LINGO2: variants seen among roughly 807,000 people sequenced by gnomAD.
LINGO2 encodes leucine-rich repeat and immunoglobulin-like domain-containing nogo receptor-interacting protein 2.
Under a neutral mutation model 30.6 loss-of-function variants are expected in LINGO2, and 14 were observed. The ratio of observed to expected loss-of-function variants is 0.46; its 90% CI spans 0.30 to 0.72. The LOEUF is 0.72. Among genes scored for constraint, LINGO2 ranks in the 30% least tolerant of loss-of-function variants. LINGO2 has a pLI of 0.07. For synonymous variants in LINGO2, 317 were observed against 288.5 expected (o/e 1.10, Z -1.00); for missense variants, 729 against 751.7 (o/e 0.97, Z 0.35).
chr9:28,818,074 A>T, the LINGO2 span, among the ~76,000 whole-genome samples: 1 of 152,162 alleles, frequency 6.6e-6, no homozygotes, highest in Non-Finnish European at 1.5e-5. Flanking sequence ...TTAGGAGTTA[A>T]TCCTAATGTT....
chr9:28,214,703 G>T (rs1820705579), intron 4 of LINGO2, among the ~76,000 whole-genome samples: 1 of 151,572 alleles, frequency 6.6e-6, no homozygotes, highest in Non-Finnish European at 1.5e-5. Flanking sequence ...GAAGGAAACA[G>T]AAAAGCTGTA....
chr9:29,038,842 G>T, the LINGO2 span, among the ~76,000 whole-genome samples: 1 of 152,086 alleles, frequency 6.6e-6, no homozygotes, highest in Non-Finnish European at 1.5e-5. Flanking sequence ...GAAGCAAGGG[G>T]AAAACTAAAA....
intron 1 of LINGO2, among the ~76,000 whole-genome samples, chr9:28,651,682 AAC>A (rs1284889067): frequency 6.6e-6 from 1 of 152,160 alleles, no homozygotes; most frequent in East Asian, 1.9e-4. Context: ...TTTAAAAAAA[AAC>A]AACAGCCTTT....
At chr9:28,205,593 A>G (rs1820381525) in intron 4 of LINGO2, among the ~76,000 whole-genome samples, 1 of 152,206 alleles carries the variant, frequency 6.6e-6, no homozygotes, top group Admixed American at 6.5e-5. Context: ...TTAGGCACTC[A>G]ATAAATATTA....
At chr9:28,055,309 A>G (rs1824874283) in intron 4 of LINGO2, among the ~76,000 whole-genome samples, 2 of 152,058 alleles carry the variant, frequency 1.3e-5, no homozygotes, top group Admixed American at 6.6e-5. Flanking sequence ...ATGGCTTAGT[A>G]ATTTCTTGAT....
At chr9:28,671,456 G>A (rs1453697074), upstream of LINGO2, among the ~76,000 whole-genome samples, 1 of 107,226 alleles carries the variant, frequency 9.3e-6, no homozygotes, top group Non-Finnish European at 1.9e-5. Flanking sequence ...CCATAAAAAA[G>A]AAAAAGATTA....
At chr9:28,032,840 G>GT (rs998830433) in intron 4 of LINGO2, among the ~76,000 whole-genome samples, 1 of 152,162 alleles carries the variant, frequency 6.6e-6, no homozygotes, top group African/African-American at 2.4e-5. Context: ...CCACATCAGG[G>GT]AAACACTGTA....
the LINGO2 span, among the ~76,000 whole-genome samples, chr9:29,118,608 G>A: frequency 4.6e-5 from 7 of 152,226 alleles, no homozygotes; most frequent in South Asian, 2.1e-4. Flanking sequence ...AAGGCCTGGC[G>A]GTGGGCTCCC....
At position 28,624,628 on chromosome 9, in the gene LINGO2, T is replaced by C. The variant is rs558795587; in HGVS notation, c.-365+45572A>G. ...TTCATCAGAGATATTAGCCTGTAGT[T>C]TTCTTTTTTTTTAATGTGTCTTTTC... On this transcript the variant is annotated intron_variant, in intron 1 of 5. Transcript: ENST00000379992. 2.9e-5 allele frequency among the ~76,000 whole-genome samples: 4 copies of C among 140,282 alleles called. 1 individual carries two copies. In the South Asian group the frequency reaches 8.7e-4, roughly 31 times the overall value. 92.0% of individuals were successfully genotyped at this position (140,282 alleles called of 152,430 possible).
At chr9:28,543,572 A>C (rs982596548) in intron 1 of LINGO2, among the ~76,000 whole-genome samples, 8 of 152,080 alleles carry the variant, frequency 5.3e-5, no homozygotes, top group Non-Finnish European at 8.8e-5. Context: ...TTAAGCCCAG[A>C]AACAGTGACA....
the LINGO2 span, among the ~76,000 whole-genome samples, chr9:29,175,152 G>A: frequency 6.6e-6 from 1 of 151,936 alleles, no homozygotes. Flanking sequence ...CCAGCTACTC[G>A]GGAGGCTGAG....
At chr9:28,686,410 C>T in the LINGO2 span, among the ~76,000 whole-genome samples, 3 of 151,988 alleles carry the variant, frequency 2.0e-5, no homozygotes, top group African/African-American at 7.2e-5. Flanking sequence ...AAATAGAAAA[C>T]TAATTTTTAT....
chr9:28,510,601 T>C (rs1820336319), intron 1 of LINGO2, among the ~76,000 whole-genome samples: 1 of 151,864 alleles, frequency 6.6e-6, no homozygotes. Flanking sequence ...GCACATTCAG[T>C]GAAACTTTTA....
the LINGO2 span, among the ~76,000 whole-genome samples, chr9:29,087,066 G>T: frequency 6.6e-6 from 1 of 151,992 alleles, no homozygotes; most frequent in Non-Finnish European, 1.5e-5. Flanking sequence ...TAGTAGAGAC[G>T]GGGTTTCACC....
At chr9:28,919,691 AAAG>A in the LINGO2 span, among the ~76,000 whole-genome samples, 18 of 152,284 alleles carry the variant, frequency 1.2e-4, no homozygotes, top group African/African-American at 4.3e-4. Flanking sequence ...ATACAAGGAC[AAAG>A]AAGGTTACTT....
chr9:28,829,346 T>G, the LINGO2 span, among the ~76,000 whole-genome samples: 1 of 152,196 alleles, frequency 6.6e-6, no homozygotes, highest in Non-Finnish European at 1.5e-5. Flanking sequence ...TGATTTTTCC[T>G]GGACAACGGA....
intron 4 of LINGO2, among the ~76,000 whole-genome samples, chr9:28,098,135 T>C (rs1287383093): frequency 6.6e-6 from 1 of 152,030 alleles, no homozygotes; most frequent in African/African-American, 2.4e-5. Flanking sequence ...TGAAACTCCA[T>C]GTCTACTGAA....
At chr9:28,281,329 T>C (rs1823317023) in intron 4 of LINGO2, among the ~76,000 whole-genome samples, 1 of 152,146 alleles carries the variant, frequency 6.6e-6, no homozygotes. Flanking sequence ...GTGTAATTCA[T>C]TTCTAAAGTA....
the LINGO2 span, among the ~76,000 whole-genome samples, chr9:29,057,132 A>G: frequency 6.6e-6 from 1 of 152,002 alleles, no homozygotes; most frequent in South Asian, 2.1e-4. Context: ...TTCTGTAAAT[A>G]ATGATGATGG....
Sources: gnomAD v4.1 joint callset for allele counts (sites outside exome capture counted in the v4.1 genomes callset) on GRCh38, gnomAD v4.1.1 for gene constraint, MANE v1.5 for transcripts, NCBI Gene and HGNC (gene_info 2026-07-23, HGNC 2026-07-21) for gene names.